Variants in DMBT1 observed in about 807,000 individuals in gnomAD.
DMBT1 encodes deleted in malignant brain tumors 1.
A neutral mutation model predicts 252.9 loss-of-function variants in DMBT1; 198 were observed. The ratio of observed to expected loss-of-function variants is 0.78; its 90% confidence interval spans 0.70 to 0.88. The LOEUF (loss-of-function observed/expected upper bound fraction) is 0.88. Ranked by LOEUF, DMBT1 falls within the 40% of genes least tolerant of loss-of-function variation. The pLI is 0.00. For synonymous variants in DMBT1, 990 were observed against 942.7 expected, an observed-to-expected ratio of 1.05 and a Z score of -0.92; for missense variants, 2,432 against 2,404.7, an observed-to-expected ratio of 1.01 and a Z score of -0.24.
intron 44 of DMBT1, among the ~76,000 whole-genome samples, chr10:122,622,823 C>A (rs115129469): frequency 0.015 from 2,343 of 152,282 alleles, 75 homozygotes; most frequent in South Asian, 0.14. Flanking sequence ...ATGACTGTTT[C>A]TATTAGAATA....
At chr10:122,599,826 C>T (rs528957982) in intron 26 of DMBT1, among the ~76,000 whole-genome samples, 26 of 152,010 alleles carry the variant, frequency 1.7e-4, no homozygotes, top group Admixed American at 1.4e-3. Flanking sequence ...TTAGGCCAAC[C>T]GGGTTACCCT....
At position 122,592,147 on chromosome 10, in the gene DMBT1, C is replaced by T. The variant is rs542947762; in HGVS notation, c.2177-125C>T. ...ATGAAGCTGAACCTCTGGTTGCAGTCGTATTCAATCGTGACTGCTTGTCCA... is the reference window on the plus strand; with the variant it reads ...ATGAAGCTGAACCTCTGGTTGCAGTTGTATTCAATCGTGACTGCTTGTCCA... On this transcript the variant is annotated intron_variant, in intron 19 of 55. Transcript: ENST00000338354. The T allele has an allele frequency of 6.3e-5, 89 of 1,423,508 alleles. 9 individuals carry two copies. Among genetic ancestry groups the T allele is most frequent in the South Asian group, 1.4e-4 (10 of 71,502 alleles). 88.2% of individuals were successfully genotyped at this position (1,423,508 alleles called of 1,614,324 possible). A position where few individuals can be genotyped will look rare whatever the true frequency, so the allele number is the denominator to read the frequency against.
chr10:122,574,566 A>G (rs963232886), intron 6 of DMBT1, among the ~76,000 whole-genome samples: 1 of 152,030 alleles, frequency 6.6e-6, no homozygotes, highest in Non-Finnish European at 1.5e-5. Context: ...CCTCTTTCCT[A>G]TGATGAAGGA....
At chr10:122,617,935 G>C in intron 40 of DMBT1, 82 bp from the exon 41 acceptor site, 1 of 1,586,218 alleles carries the variant, frequency 6.3e-7, no homozygotes, top group African/African-American at 1.4e-5. Context: ...TGGCCATTAG[G>C]AAGTACCCTG....
intron 5 of DMBT1, 137 bp from the exon 6 acceptor site, chr10:122,573,578 A>G (rs1312352518): frequency 1.3e-5 from 14 of 1,071,986 alleles, no homozygotes; most frequent in Non-Finnish European, 1.8e-5. Flanking sequence ...CGATTGGCAC[A>G]TGGTTGGCTT....
chr10:122,575,620 A>C (rs939415335), intron 6 of DMBT1, among the ~76,000 whole-genome samples: 1 of 152,178 alleles, frequency 6.6e-6, no homozygotes, highest in Non-Finnish European at 1.5e-5. Context: ...ACAGGTAATG[A>C]GTAACTTTGA....
Position 122,640,322 on chromosome 10 carries a change from C to G in DMBT1, c.7225C>G (p.Gln2409Glu), listed in dbSNP as rs749251188. The stretch of plus-strand genomic sequence containing the variant: ...CCGCCCTTACTACGTGGACCTGAAC[C>G]AGGACTTGTACGTTCAGGCTGAAAT... ...TSRPYYVDLN[Q>E]DLYVQAEILH... Residue 2409 changes from glutamine (Q) to glutamate (E), a missense_variant, in exon 55 of 56, where the codon CAG becomes GAG. This residue lies in a region of DMBT1 where 1,162 missense variants were observed against 1,169.0 expected (regional missense o/e 0.99). Transcript: ENST00000338354. 2.5e-6 allele frequency: 4 copies of G among 1,613,918 alleles called. No individual in the cohort carries two copies. Among genetic ancestry groups the G allele is most frequent in the African/African-American group, 2.7e-5 (2 of 74,938 alleles).
chr10:122,618,387 T>C, intron 41 of DMBT1, 47 bp downstream of exon 41: 1 of 1,613,348 alleles, frequency 6.2e-7, no homozygotes, highest in Non-Finnish European at 8.5e-7. Flanking sequence ...TGAAGTTTGC[T>C]CAGGAAGAAA....
intron 27 of DMBT1, among the ~76,000 whole-genome samples, chr10:122,600,652 A>G (rs1057440782): frequency 1.3e-5 from 2 of 152,196 alleles, no homozygotes; most frequent in Middle Eastern, 3.2e-3. Context: ...TGGTTCCCCT[A>G]ACATTTTATC....
Position 122,588,734 on chromosome 10 carries a change from CA to C in DMBT1, c.1784-206del, listed in dbSNP as rs1178920600. ...TCCACTGGGGTCACAGGTGCTTCCC[CA>C]AAACTTGAGCCTTCATAAACCCAAG... On this transcript the variant is annotated intron_variant, in intron 16 of 55. Coordinates refer to ENST00000338354, the MANE Select transcript of DMBT1 (RefSeq NM_001377530.1). Among the ~76,000 whole-genome samples the C allele has an allele frequency of 7.4e-5, 11 of 148,994 alleles. 1 individual carries two copies. The East Asian group carries it at 8.3e-4, about 11-fold the overall frequency.
intron 16 of DMBT1, 94 bp from the exon 17 acceptor site, chr10:122,588,850 T>C: frequency 6.4e-7 from 1 of 1,563,244 alleles, no homozygotes; most frequent in Non-Finnish European, 8.7e-7. Context: ...CCCAGGTGAC[T>C]TTGGCCATTA....
intron 2 of DMBT1, among the ~76,000 whole-genome samples, chr10:122,568,290 G>A (rs2097620800): frequency 6.6e-6 from 1 of 152,138 alleles, no homozygotes; most frequent in Admixed American, 6.5e-5. Context: ...ATGGCCAGGA[G>A]GCCACTGAAA....
rs959215360 is a variant in DMBT1 at position 122,643,394 on chromosome 10, G to A, written c.7625G>A (p.Arg2542Gln). The A allele has an allele frequency of 1.5e-5, 24 of 1,611,186 alleles. No homozygotes were observed. Among genetic ancestry groups the A allele is most frequent in the Non-Finnish European group, 2.0e-5 (23 of 1,178,500 alleles). Reference sequence around the variant, plus strand: ...CCCCCACGCCGAGAAGAGGAGCCTCGGTAGGTGGTCGCTCTCAGACCCCAC... The same window carrying A: ...CCCCCACGCCGAGAAGAGGAGCCTCAGTAGGTGGTCGCTCTCAGACCCCAC... Reference protein sequence around the residue: ...QTPPRREEEPR With the variant: ...QTPPRREEEPQ The change falls in exon 56 of 56, where the codon CGG becomes CAG. Residue 2542 changes from arginine to glutamine, a missense_variant. Physicochemically the swap from Arg to Gln is conservative, Grantham distance 43. Transcript: ENST00000338354.
At chr10:122,625,438 G>A in intron 45 of DMBT1, 135 bp downstream of exon 45, 1 of 883,832 alleles carries the variant, frequency 1.1e-6, no homozygotes, top group Non-Finnish European at 1.8e-6. Flanking sequence ...TCTTTGTTAG[G>A]GTGACGAGCT....
At chr10:122,579,429 G>C (rs367637740) in intron 9 of DMBT1, 149 bp from the exon 10 acceptor site, 1 of 1,510,022 alleles carries the variant, frequency 6.6e-7, no homozygotes, top group Non-Finnish European at 8.9e-7. Flanking sequence ...CTACTTTCAC[G>C]GTGATGAAGC....
intron 2 of DMBT1, among the ~76,000 whole-genome samples, chr10:122,566,585 C>G (rs2097595142): frequency 6.6e-6 from 1 of 152,188 alleles, no homozygotes; most frequent in Admixed American, 6.5e-5. Context: ...GCTGGGGTTA[C>G]AGGCATGAGC....
In DMBT1 at chr10:122,592,516, C is replaced by T. The variant is rs1373360639; in HGVS notation, c.2421C>T (p.Ser807=). Reference sequence around the variant, plus strand: ...ATGTGCGCTGCTCAGGACACGAGTCCTACCTGTGGAGCTGCCCCCACAATG... The same window carrying T: ...ATGTGCGCTGCTCAGGACACGAGTCTTACCTGTGGAGCTGCCCCCACAATG... ...LDDVRCSGHE[S]YLWSCPHNGW... is the part of the protein sequence containing the mutation. Residue 807 remains serine (S), a synonymous_variant, in exon 20 of 56, where the codon TCC becomes TCT. Transcript: ENST00000338354. 1.3e-6 allele frequency: 2 copies of T among 1,588,218 alleles called. No individual in the cohort carries two copies. The highest frequency in any genetic ancestry group is 1.7e-6 in the Non-Finnish European group (2 of 1,165,640).
Position 122,592,402 on chromosome 10 carries a change from G to C in DMBT1, c.2307G>C (p.Val769=), listed in dbSNP as rs371814966. Residue 769 remains valine (V), a synonymous_variant, in exon 20 of 56, where the codon GTG becomes GTC. Coordinates refer to ENST00000338354, the MANE Select transcript of DMBT1 (RefSeq NM_001377530.1). ...GCTGGGATACCAATGATGCCAATGTGGTCTGCAGGCAGCTGGGCTGTGGCT... is the reference window on the plus strand; with the variant it reads ...GCTGGGATACCAATGATGCCAATGTCGTCTGCAGGCAGCTGGGCTGTGGCT... ...DDSWDTNDAN[V]VCRQLGCGWA... 1 of 1,588,438 alleles carries C rather than the reference G, an allele frequency of 6.3e-7. No homozygotes were observed. The highest frequency in any genetic ancestry group is 8.6e-7 in the Non-Finnish European group (1 of 1,165,866).
intron 53 of DMBT1, 128 bp from the exon 54 acceptor site, chr10:122,637,000 C>T: frequency 1.2e-6 from 1 of 813,356 alleles, no homozygotes; most frequent in Admixed American, 2.6e-5. Context: ...TGCCCACATC[C>T]TAAGTGCTGA....
Sources: allele counts gnomAD v4.1 joint callset (sites outside exome capture counted in the v4.1 genomes callset), GRCh38; gene constraint gnomAD v4.1.1; regional missense constraint gnomAD v4.1.1; transcripts MANE v1.5; gene names NCBI Gene and HGNC (gene_info 2026-07-23, HGNC 2026-07-21).